Variants in KMT2E observed in about 807,000 individuals in gnomAD.
KMT2E encodes the protein histone reader KMT2E.
In KMT2E, 30 loss-of-function variants were observed where a neutral mutation model predicts 184.6. The ratio of observed to expected loss-of-function variants is 0.16; its 90% CI spans 0.12 to 0.22. KMT2E has a LOEUF of 0.22. KMT2E is among the 10% of genes least tolerant of loss of function. KMT2E has a pLI of 1.00. For synonymous variants in KMT2E, 815 were observed against 776.5 expected (o/e 1.05, Z -0.82); for missense variants, 2,023 against 2,237.4 (o/e 0.90, Z 1.93).
At chr7:105,044,192 AT>A (rs1401363442) in intron 3 of KMT2E, among the ~76,000 whole-genome samples, 1 of 152,178 alleles carries the variant, frequency 6.6e-6, no homozygotes. Flanking sequence ...AGTGGTATAA[AT>A]TTAGGACTAC....
chr7:105,054,718 T>TACA (rs1173319060), intron 3 of KMT2E, among the ~76,000 whole-genome samples: 1 of 152,206 alleles, frequency 6.6e-6, no homozygotes, highest in Non-Finnish European at 1.5e-5. Flanking sequence ...TTCACCATGT[T>TACA]GGTCAGGCTT....
Position 105,101,596 on chromosome 7 carries a change from T to C in KMT2E, c.1887+7T>C. On this transcript the variant is annotated splice_region_variant and intron_variant, in intron 16 of 26. Coordinates refer to ENST00000311117, the MANE Select transcript of KMT2E (RefSeq NM_182931.3). ...TGATGCTGAAGTTATTCAGGTATTA[T>C]TTATTCAGGTCGTTTTATTTTCTTA... 6.6e-7 allele frequency: 1 copy of C among 1,524,134 alleles called. No homozygotes were observed. The highest frequency in any genetic ancestry group is 1.3e-5 in the South Asian group (1 of 74,974). 94.4% of individuals were successfully genotyped at this position (1,524,134 alleles called of 1,614,324 possible).
At chr7:105,083,978 CAT>C (rs148590469) in intron 13 of KMT2E, among the ~76,000 whole-genome samples, 130 of 152,162 alleles carry the variant, frequency 8.5e-4, no homozygotes, top group Middle Eastern at 6.8e-3. Context: ...TTTCTAGAAA[CAT>C]ATTAGGATCT....
chr7:105,089,883 A>G (rs1798130408), intron 13 of KMT2E, 126 bp from the exon 14 acceptor site: 1 of 1,364,858 alleles, frequency 7.3e-7, no homozygotes, highest in African/African-American at 1.5e-5. Flanking sequence ...TAAATTACTA[A>G]AAAGGATTGC....
At chr7:105,022,797 G>C (rs1795009443) in intron 1 of KMT2E, among the ~76,000 whole-genome samples, 1 of 152,048 alleles carries the variant, frequency 6.6e-6, no homozygotes, top group Non-Finnish European at 1.5e-5. Flanking sequence ...ATATACACCA[G>C]GGTTTTTAAC....
At position 105,112,420 on chromosome 7, in the gene KMT2E, C is replaced by T; in HGVS notation, c.4664C>T (p.Ser1555Phe). The change falls in exon 27 of 27, where the codon TCT becomes TTT. Residue 1555 changes from serine (S) to phenylalanine (F), a missense_variant. This residue lies in a region of KMT2E where 1,108 missense variants were observed against 1,050.9 expected (regional missense o/e 1.05). Transcript: ENST00000311117. ...PPPPPPPPSS[S>F]YYQNQQPSAN... ...CCACCTCCTCCACCTCCTTCTTCGT[C>T]TTACTATCAAAACCAGCAGCCCTCT... 1 of 1,613,538 alleles carries T rather than the reference C, an allele frequency of 6.2e-7. No homozygotes were observed. Among genetic ancestry groups the T allele is most frequent in the Non-Finnish European group, 8.5e-7 (1 of 1,179,970 alleles).
intron 1 of KMT2E, among the ~76,000 whole-genome samples, chr7:105,024,339 C>T (rs1478690131): frequency 2.0e-5 from 3 of 152,064 alleles, no homozygotes; most frequent in Non-Finnish European, 2.9e-5. Flanking sequence ...AGTCTTAATT[C>T]GGTGTTTAAA....
intron 1 of KMT2E, among the ~76,000 whole-genome samples, chr7:105,030,387 A>C (rs1046668430): frequency 2.6e-5 from 4 of 152,234 alleles, no homozygotes; most frequent in African/African-American, 7.2e-5. Context: ...AAAGAAAATT[A>C]GTGAATTTGA....
At chr7:105,077,703 A>G (rs1400498856) in intron 11 of KMT2E, 4 of 325,546 alleles carry the variant, frequency 1.2e-5, no homozygotes, top group African/African-American at 8.7e-5. Context: ...AGATTAACCA[A>G]CAGCAATATA....
intron 5 of KMT2E, chr7:105,063,926 G>A (rs907754268): frequency 2.2e-6 from 1 of 454,112 alleles, no homozygotes; most frequent in Non-Finnish European, 4.4e-6. Context: ...GGAATAATTT[G>A]TGCTTAGTCA....
At chr7:105,084,751 A>G (rs1202900833) in intron 13 of KMT2E, among the ~76,000 whole-genome samples, 1 of 152,214 alleles carries the variant, frequency 6.6e-6, no homozygotes, top group African/African-American at 2.4e-5. Flanking sequence ...GGCATGTGTC[A>G]CATGGCATTT....
rs1554392567 is a variant in KMT2E at position 105,071,582 on chromosome 7, G to GTATATATATA, written c.498-2019_498-2010dup. On this transcript the variant is annotated intron_variant, in intron 6 of 26. Coordinates refer to ENST00000311117, the MANE Select transcript of KMT2E (RefSeq NM_182931.3). ...TGTATGTATGTATGTATGTGTGTGTGTATATATATATATATATATATATAT... is the reference window on the plus strand; with the variant it reads ...TGTATGTATGTATGTATGTGTGTGTGTATATATATATATATATATATATATATATATATAT... Among the ~76,000 whole-genome samples the GTATATATATA allele has an allele frequency of 1.9e-3, 68 of 34,926 alleles. 2 individuals carry two copies. The highest frequency in any genetic ancestry group is 3.2e-3 in the Non-Finnish European group (59 of 18,330). 22.9% of individuals were successfully genotyped at this position (34,926 alleles called of 152,430 possible). A position where few individuals can be genotyped will look rare whatever the true frequency, so the allele number is the denominator to read the frequency against.
chr7:105,041,166 A>C, intron 3 of KMT2E, 143 bp downstream of exon 3: 1 of 578,180 alleles, frequency 1.7e-6, no homozygotes, highest in South Asian at 2.5e-5. Context: ...AAGCGAAGTT[A>C]CCTTTCTTTC....
intron 5 of KMT2E, chr7:105,063,952 T>G: frequency 4.4e-6 from 2 of 449,552 alleles, no homozygotes. Context: ...GATTTTCCAG[T>G]TTGCGGAAAT....
intron 1 of KMT2E, among the ~76,000 whole-genome samples, chr7:105,025,558 C>A (rs764397436): frequency 3.2e-4 from 48 of 152,150 alleles, no homozygotes; most frequent in Middle Eastern, 3.4e-3. Context: ...ATTAATAATT[C>A]TTCTTTTAAA....
chr7:105,059,978 G>GTTTT (rs67291226), intron 3 of KMT2E, among the ~76,000 whole-genome samples: 1,114 of 51,742 alleles, frequency 0.022, 244 homozygotes, highest in Non-Finnish European at 0.033. Flanking sequence ...TCTTGTTGTT[G>GTTTT]TTTTTTTTTT....
chr7:105,041,409 A>AC (rs1350002637), intron 3 of KMT2E, among the ~76,000 whole-genome samples: 1 of 152,054 alleles, frequency 6.6e-6, no homozygotes, highest in Non-Finnish European at 1.5e-5. Context: ...GGTTCCCCCC[A>AC]CCCCCAGCAA....
At chr7:105,100,048 CCATCTTTTG>C (rs1322494157) in intron 15 of KMT2E, among the ~76,000 whole-genome samples, 1 of 152,118 alleles carries the variant, frequency 6.6e-6, no homozygotes, top group Non-Finnish European at 1.5e-5. Flanking sequence ...ACAAGTAGAA[CCATCTTTTG>C]CATGTGCTAT....
chr7:105,030,927 CGTT>C (rs1359259125), intron 1 of KMT2E, among the ~76,000 whole-genome samples: 4 of 152,026 alleles, frequency 2.6e-5, no homozygotes, highest in Admixed American at 1.3e-4. Flanking sequence ...ATTTTATGCA[CGTT>C]GTTTTTAGAG....
Sources: gnomAD v4.1 joint callset for allele counts (sites outside exome capture counted in the v4.1 genomes callset) on GRCh38, gnomAD v4.1.1 for gene constraint, gnomAD v4.1.1 regional missense constraint, MANE v1.5 for transcripts, NCBI Gene and HGNC (gene_info 2026-07-23, HGNC 2026-07-21) for gene names.